CEP78: variants seen among roughly 807,000 people sequenced by gnomAD.
The protein encoded by CEP78 is centrosomal protein 78.
Under a neutral mutation model 81.2 loss-of-function variants are expected in CEP78, and 76 were observed. The ratio of observed to expected loss-of-function variants is 0.94; its 90% CI spans 0.78 to 1.13. CEP78 has a LOEUF of 1.13. Ranked by LOEUF, CEP78 falls within the 50% of genes most tolerant of loss-of-function variation. The pLI, the probability that CEP78 is intolerant of heterozygous loss-of-function variation, is 0.00. For missense variants in CEP78, 918 were observed against 846.8 expected (o/e 1.08, Z -1.04); for synonymous variants, 293 against 301.4 (o/e 0.97, Z 0.29).
chr9:78,236,743 G>A, intron 1 of CEP78, 140 bp downstream of exon 1: 1 of 1,104,210 alleles, frequency 9.1e-7, no homozygotes. Flanking sequence ...AGTGGCTTAA[G>A]GTCTCTAGGG....
rs780309395 is a variant in CEP78 at position 78,251,970 on chromosome 9, G to A, written c.1132G>A (p.Ala378Thr). Reference protein sequence around the residue: ...RKHSLGKEYYAPAPLPPGVSG... With the variant: ...RKHSLGKEYYTPAPLPPGVSG... ...ACACTCCCTTGGTAAAGAATATTAT[G>A]CGCCCGCACCTCTTCCACCTGGTGT... The change falls in exon 9 of 17, where the codon GCG (alanine) becomes ACG (threonine). Residue 378 changes from alanine to threonine, a missense_variant. By Grantham distance (58) the Ala-to-Thr change is moderately conservative. Coordinates refer to ENST00000643273, the MANE Select transcript of CEP78 (RefSeq NM_001330691.3). 3 of 1,608,582 alleles carry A rather than the reference G, an allele frequency of 1.9e-6. No individual in the cohort carries two copies. The Admixed American group carries it at 5.0e-5, about 27-fold the overall frequency.
chr9:78,264,885 A>G (rs1170889428), intron 13 of CEP78, among the ~76,000 whole-genome samples: 2 of 152,216 alleles, frequency 1.3e-5, no homozygotes, highest in Non-Finnish European at 2.9e-5. Context: ...TCCTCAACCA[A>G]GAATGATTTT....
At chr9:78,256,203 A>G (rs1827015959) in intron 11 of CEP78, among the ~76,000 whole-genome samples, 1 of 152,198 alleles carries the variant, frequency 6.6e-6, no homozygotes, top group African/African-American at 2.4e-5. Flanking sequence ...CTCAGAGGGT[A>G]TCTAATCTAA....
chr9:78,242,607 AT>A (rs1826287934), intron 4 of CEP78, among the ~76,000 whole-genome samples: 1 of 152,186 alleles, frequency 6.6e-6, no homozygotes, highest in Non-Finnish European at 1.5e-5. Flanking sequence ...GTTTGCTGTT[AT>A]TTCCTCTTAT....
Position 78,236,214 on chromosome 9 carries a change from C to A in CEP78, c.-137C>A. 1.3e-6 allele frequency: 1 copy of A among 744,938 alleles called. No individual in the cohort carries two copies. The highest frequency in any genetic ancestry group is 2.1e-6 in the Non-Finnish European group (1 of 478,702). The allele number at this position is 744,938 out of a possible 1,614,324, so 46.1% of individuals were successfully genotyped here. ...GGCCTTGCGTCTTCCGACCGAATCA[C>A]CGCTCCTGAGCCCGGTGCGGGGCTG... On this transcript the variant is annotated 5_prime_UTR_variant, in exon 1 of 17. Coordinates refer to ENST00000643273, the MANE Select transcript of CEP78 (RefSeq NM_001330691.3).
intron 16 of CEP78, chr9:78,266,926 T>C: frequency 7.0e-7 from 1 of 1,427,386 alleles, no homozygotes; most frequent in East Asian, 2.5e-5. Flanking sequence ...TCCAGTCCAC[T>C]AGAACATTCT....
In CEP78 at chr9:78,264,325, CT is replaced by C; in HGVS notation, c.1625+12del. Reference sequence around the variant, plus strand: ...CTCCTTAAAGATGCTGGGTTAGTTACTTTCTCCCTATGACATTCGTCCCTCC... The same window carrying C: ...CTCCTTAAAGATGCTGGGTTAGTTACTTCTCCCTATGACATTCGTCCCTCC... On this transcript the variant is annotated intron_variant, in intron 13 of 16. Coordinates refer to ENST00000643273, the MANE Select transcript of CEP78 (RefSeq NM_001330691.3). 6.2e-7 allele frequency: 1 copy of C among 1,611,968 alleles called. No homozygotes were observed. The highest frequency in any genetic ancestry group is 1.1e-5 in the South Asian group (1 of 90,978).
At position 78,273,515 on chromosome 9, in the gene CEP78, C is replaced by T. The variant is rs544554195; in HGVS notation, c.*2664C>T. ...TTGGGAGGCCGAGGTGGGTGGATCA[C>T]CTGAGGTCAGAAGTTCAAGACCAGC... On this transcript the variant is annotated 3_prime_UTR_variant, in exon 17 of 17. Transcript: ENST00000643273. 1 of 151,856 alleles carries T rather than the reference C, an allele frequency of 6.6e-6. No homozygotes were observed. Among genetic ancestry groups the T allele is most frequent in the Non-Finnish European group, 1.5e-5 (1 of 68,020 alleles). 9.4% of individuals were successfully genotyped at this position (151,856 alleles called of 1,614,324 possible).
chr9:78,240,603 G>GT (rs1371755327), intron 3 of CEP78, among the ~76,000 whole-genome samples: 7 of 152,140 alleles, frequency 4.6e-5, no homozygotes, highest in African/African-American at 9.7e-5. Context: ...GGTATTCTCT[G>GT]TTTTTTGTGT....
intron 11 of CEP78, among the ~76,000 whole-genome samples, chr9:78,257,949 G>C (rs1371899805): frequency 2.0e-5 from 3 of 152,234 alleles, no homozygotes; most frequent in Non-Finnish European, 4.4e-5. Context: ...ATAGAAGGCG[G>C]TGTAACCTGT....
At chr9:78,254,707 G>C (rs1312153848) in intron 10 of CEP78, 129 bp from the exon 11 acceptor site, 5 of 577,148 alleles carry the variant, frequency 8.7e-6, no homozygotes, top group Non-Finnish European at 1.5e-5. Context: ...GATTGTGTTA[G>C]ACTAAGGAGT....
chr9:78,249,388 A>G (rs1312264156), intron 8 of CEP78: 1 of 152,192 alleles, frequency 6.6e-6, no homozygotes, highest in Non-Finnish European at 1.5e-5. Context: ...ACCTTAAAAT[A>G]TATGTAATCC....
At chr9:78,238,090 A>C (rs954152443) in intron 1 of CEP78, among the ~76,000 whole-genome samples, 5 of 150,678 alleles carry the variant, frequency 3.3e-5, no homozygotes, top group African/African-American at 1.2e-4. Context: ...GCACCGTTGC[A>C]CTCCAGCCTG....
rs1563987932 is a variant in CEP78 at position 78,253,288 on chromosome 9, A to G, written c.1251+11A>G. 1 of 1,241,296 alleles carries G rather than the reference A, an allele frequency of 8.1e-7. No homozygotes were observed. Among genetic ancestry groups the G allele is most frequent in the East Asian group, 2.4e-5 (1 of 41,984 alleles). The allele number at this position is 1,241,296 out of a possible 1,614,324, so 76.9% of individuals were successfully genotyped here. The stretch of plus-strand genomic sequence containing the variant: ...TGTAATCAGTTGCAGGTACGTAGTT[A>G]CCATGTTTATAATATGTAGGGGATT... On this transcript the variant is annotated intron_variant, in intron 10 of 16. Transcript: ENST00000643273.
chr9:78,257,534 T>C (rs1827094899), intron 11 of CEP78, among the ~76,000 whole-genome samples: 2 of 152,090 alleles, frequency 1.3e-5, no homozygotes, highest in African/African-American at 4.8e-5. Context: ...CCATTGGTTG[T>C]GTGACTGAGA....
intron 11 of CEP78, among the ~76,000 whole-genome samples, chr9:78,261,724 C>T (rs763328958): frequency 2.0e-5 from 3 of 151,910 alleles, no homozygotes; most frequent in Non-Finnish European, 4.4e-5. Flanking sequence ...TGCTTATTTC[C>T]ATGTTTGGTT....
intron 8 of CEP78, chr9:78,250,054 A>G (rs932528609): frequency 9.3e-5 from 35 of 377,886 alleles, no homozygotes; most frequent in Admixed American, 2.7e-4. Flanking sequence ...AACATAAAAT[A>G]TAAAACATTA....
At chr9:78,267,126 A>C (rs974325958) in intron 16 of CEP78, 2 of 942,690 alleles carry the variant, frequency 2.1e-6, no homozygotes, top group Non-Finnish European at 3.0e-6. Context: ...AGATTTCTCT[A>C]TACTTTTTAT....
At chr9:78,247,389 A>G (rs564065556) in intron 6 of CEP78, among the ~76,000 whole-genome samples, 1 of 152,334 alleles carries the variant, frequency 6.6e-6, no homozygotes, top group East Asian at 1.9e-4. Context: ...AGTACCTTCC[A>G]GGATGAGGAA....
Sources: allele counts gnomAD v4.1 joint callset (sites outside exome capture counted in the v4.1 genomes callset), GRCh38; gene constraint gnomAD v4.1.1; transcripts MANE v1.5; gene names NCBI Gene and HGNC (gene_info 2026-07-23, HGNC 2026-07-21).